FILIP1: variants seen among roughly 807,000 people sequenced by gnomAD.
The protein encoded by FILIP1 is filamin-A-interacting protein 1.
FILIP1 carries 61 observed loss-of-function variants against 102.1 expected under a neutral mutation model. That is an observed-to-expected ratio of 0.60 (90% CI 0.49 to 0.74). FILIP1 has a LOEUF of 0.74. Among genes scored for constraint, FILIP1 ranks in the 30% least tolerant of loss-of-function variants. FILIP1 has a pLI of 0.00. For missense variants in FILIP1, 1,314 were observed against 1,441.2 expected, an observed-to-expected ratio of 0.91 and a Z score of 1.43; for synonymous variants, 491 against 526.9, an observed-to-expected ratio of 0.93 and a Z score of 0.93.
exon 7 of FILIP1, chr6:75,293,504 G>A (rs1349491996): frequency 6.6e-6 from 1 of 152,018 alleles, no homozygotes; most frequent in African/African-American, 2.4e-5. Context: ...TTGCATTTGG[G>A]TTTAAACAGA....
chr6:75,404,611 C>T lies in FILIP1; in HGVS notation c.276+10086G>A, dbSNP rs186381989. ...CTTTCTTTAGCATTCCCCTCTGCAA[C>T]GATTCAGCATGTACATAATCATCCT... On this transcript the variant is annotated intron_variant, in intron 2 of 5. Coordinates refer to ENST00000237172, the MANE Select transcript of FILIP1 (RefSeq NM_015687.5). Among the ~76,000 whole-genome samples, 10 of 152,250 alleles carry T rather than the reference C, an allele frequency of 6.6e-5. No individual in the cohort carries two copies. The East Asian group carries it at 1.4e-3, about 21-fold the overall frequency.
chr6:75,313,046 C>G lies in FILIP1; in HGVS notation c.2786G>C (p.Ser929Thr), dbSNP rs1461414201. The G allele has an allele frequency of 1.2e-6, 2 of 1,614,018 alleles. No homozygotes were observed. Among genetic ancestry groups the G allele is most frequent in the Non-Finnish European group, 1.7e-6 (2 of 1,180,038 alleles). ...AGAAAAAAATTCTTCAGATGTCGGG[C>G]TTGTTATCTCCAAAGTCGCAGTGCT... ...ENSTATLEIT[S>T]PTSEEFFSST... Residue 929 changes from serine (S) to threonine (T), a missense_variant, in exon 5 of 6, where the codon AGC becomes ACC. Around this residue, in one of 3 missense-constraint regions of FILIP1, gnomAD observed 816 missense variants for 913.1 expected, o/e 0.89. Coordinates refer to ENST00000237172, the MANE Select transcript of FILIP1 (RefSeq NM_015687.5). This position sits in a 1 kb window ranked among gnomAD's most constrained non-coding sequence, Gnocchi z 4.2.
At chr6:75,383,770 T>G (rs1482698230) in intron 2 of FILIP1, among the ~76,000 whole-genome samples, 3 of 152,186 alleles carry the variant, frequency 2.0e-5, no homozygotes, top group Non-Finnish European at 4.4e-5. Flanking sequence ...GACACTATTA[T>G]TATCACCATT....
chr6:75,439,972 A>T (rs1778154572), intron 1 of FILIP1, among the ~76,000 whole-genome samples: 1 of 152,206 alleles, frequency 6.6e-6, no homozygotes, highest in Admixed American at 6.5e-5. Flanking sequence ...TCACCTCAAT[A>T]AAAAAATATG....
chr6:75,295,949 T>G, exon 7 of FILIP1: 1 of 1,454,960 alleles, frequency 6.9e-7, no homozygotes, highest in Non-Finnish European at 9.0e-7. Flanking sequence ...TGATGATGCT[T>G]TCTATAAAGA....
At chr6:75,425,092 TA>T (rs2149700640) in intron 1 of FILIP1, among the ~76,000 whole-genome samples, 2 of 152,268 alleles carry the variant, frequency 1.3e-5, no homozygotes, top group South Asian at 4.1e-4. Flanking sequence ...ATATACAGCC[TA>T]AATTGAAAAC....
At chr6:75,351,597 G>T (rs1335246793) in intron 4 of FILIP1, among the ~76,000 whole-genome samples, 1 of 152,134 alleles carries the variant, frequency 6.6e-6, no homozygotes, top group East Asian at 1.9e-4. Flanking sequence ...TTATGATTGT[G>T]TTATAGTTGC....
intron 4 of FILIP1, among the ~76,000 whole-genome samples, chr6:75,315,455 G>A (rs180746912): frequency 3.3e-5 from 5 of 152,200 alleles, no homozygotes; most frequent in Admixed American, 3.3e-4. Flanking sequence ...TTGCATGCTT[G>A]CTATACAGGA....
intron 2 of FILIP1, among the ~76,000 whole-genome samples, chr6:75,406,272 A>G (rs1462952674): frequency 1.3e-5 from 2 of 152,194 alleles, no homozygotes; most frequent in East Asian, 3.9e-4. Context: ...TCCACAAAAT[A>G]CTACTTCACT....
chr6:75,422,714 C>A (rs1011637507), intron 1 of FILIP1, among the ~76,000 whole-genome samples: 4 of 152,136 alleles, frequency 2.6e-5, no homozygotes, highest in Admixed American at 1.3e-4. Flanking sequence ...AGTGGCTTAA[C>A]CACCTGATAG....
At chr6:75,302,037 G>T (rs1490115831) in intron 6 of FILIP1, among the ~76,000 whole-genome samples, 4 of 152,094 alleles carry the variant, frequency 2.6e-5, no homozygotes, top group Admixed American at 2.6e-4. Flanking sequence ...TTTGTGTTCT[G>T]CTGGGGGAGT....
intron 2 of FILIP1, among the ~76,000 whole-genome samples, chr6:75,392,288 C>T (rs1430095643): frequency 6.6e-6 from 1 of 152,120 alleles, no homozygotes; most frequent in Non-Finnish European, 1.5e-5. Context: ...ATACATGTGA[C>T]TTCCAAATTG....
intron 4 of FILIP1, among the ~76,000 whole-genome samples, chr6:75,327,223 C>A (rs578124121): frequency 1.2e-4 from 19 of 152,324 alleles, no homozygotes; most frequent in African/African-American, 4.1e-4. Flanking sequence ...GCATTCAATT[C>A]ATCAGCAAAT....
At chr6:75,420,405 G>C (rs1214375167) in intron 1 of FILIP1, among the ~76,000 whole-genome samples, 1 of 151,948 alleles carries the variant, frequency 6.6e-6, no homozygotes, top group Non-Finnish European at 1.5e-5. Context: ...TTTAAACTTT[G>C]AATGGTGATA....
chr6:75,294,153 AG>A (rs1772609759), exon 7 of FILIP1: 2 of 152,226 alleles, frequency 1.3e-5, no homozygotes, highest in Admixed American at 1.3e-4. Context: ...AAGGTTACAT[AG>A]GGGAGGAAGT....
intron 5 of FILIP1, 56 bp downstream of exon 5, chr6:75,312,341 A>G (rs1773220413): frequency 8.5e-6 from 13 of 1,536,498 alleles, no homozygotes; most frequent in Admixed American, 1.9e-5. Context: ...GGGTAGTCTC[A>G]CTACTCACGT....
Position 75,414,678 on chromosome 6 carries a change from T to C in FILIP1, c.276+19A>G. On this transcript the variant is annotated intron_variant, in intron 2 of 5. Coordinates refer to ENST00000237172, the MANE Select transcript of FILIP1 (RefSeq NM_015687.5). The stretch of plus-strand genomic sequence containing the variant: ...TAGAAACCAAAGACACAATAACAGT[T>C]GGGAAAGTTTGACTCTACCTGCAAC... 6.2e-7 allele frequency: 1 copy of C among 1,605,166 alleles called. No individual in the cohort carries two copies. Among genetic ancestry groups the C allele is most frequent in the Non-Finnish European group, 8.5e-7 (1 of 1,175,074 alleles).
chr6:75,315,804 A>G (rs1368131190), intron 4 of FILIP1, among the ~76,000 whole-genome samples: 2 of 152,240 alleles, frequency 1.3e-5, no homozygotes, highest in Non-Finnish European at 2.9e-5. Flanking sequence ...CCTCTGCATC[A>G]TATGATTTGA....
intron 1 of FILIP1, among the ~76,000 whole-genome samples, chr6:75,452,128 CTT>C: frequency 6.7e-6 from 1 of 149,078 alleles, no homozygotes; most frequent in South Asian, 2.2e-4. Flanking sequence ...TATTATTATA[CTT>C]TAAGTTTTAG....
Sources: gnomAD v4.1 joint callset for allele counts (sites outside exome capture counted in the v4.1 genomes callset) on GRCh38, gnomAD v4.1.1 for gene constraint, gnomAD v4.1.1 regional missense constraint, Gnocchi (gnomAD v3.1) non-coding constraint, MANE v1.5 for transcripts, NCBI Gene and HGNC (gene_info 2026-07-23, HGNC 2026-07-21) for gene names.